Variants in PBX1 observed in about 807,000 individuals in gnomAD.
PBX1 encodes pre-B-cell leukemia transcription factor 1.
Under a neutral mutation model 53.4 loss-of-function variants are expected in PBX1, and 6 were observed. The ratio of observed to expected loss-of-function variants is 0.11; its 90% CI spans 0.06 to 0.22. The LOEUF is 0.22. Ranked by LOEUF, PBX1 falls within the 10% of genes least tolerant of loss-of-function variation. PBX1 has a pLI of 1.00. For synonymous variants in PBX1, 204 were observed against 212.3 expected (o/e 0.96, Z 0.34); for missense variants, 251 against 551.4 (o/e 0.46, Z 5.46).
intron 2 of PBX1, among the ~76,000 whole-genome samples, chr1:164,880,398 G>T (rs1223749517): frequency 2.6e-5 from 4 of 152,200 alleles, no homozygotes; most frequent in African/African-American, 9.7e-5. Flanking sequence ...CAGCATGTCT[G>T]CAAAGGAAGT....
intron 2 of PBX1, among the ~76,000 whole-genome samples, chr1:164,768,453 T>G (rs1193509920): frequency 6.6e-6 from 1 of 152,224 alleles, no homozygotes; most frequent in East Asian, 1.9e-4. Flanking sequence ...GAGACCCTAC[T>G]ATTAACATTC....
intron 2 of PBX1, among the ~76,000 whole-genome samples, chr1:164,690,532 C>T (rs749715592): frequency 1.3e-5 from 2 of 151,228 alleles, no homozygotes; most frequent in Admixed American, 6.6e-5. Context: ...CATGGGAGGC[C>T]GAAGCAGAAG....
chr1:164,789,769 C>T (rs1236124991), intron 2 of PBX1, among the ~76,000 whole-genome samples: 1 of 152,156 alleles, frequency 6.6e-6, no homozygotes, highest in Admixed American at 6.5e-5. Context: ...GCATTAACAC[C>T]CAGCTGAAGG....
chr1:164,800,145 A>C (rs1399058273), intron 4 of PBX1, among the ~76,000 whole-genome samples: 1 of 152,154 alleles, frequency 6.6e-6, no homozygotes, highest in African/African-American at 2.4e-5. Context: ...AGGTACAGTG[A>C]GATTTTTTTC....
chr1:164,609,380 T>C (rs1161465632), intron 2 of PBX1, among the ~76,000 whole-genome samples: 1 of 152,110 alleles, frequency 6.6e-6, no homozygotes, highest in Non-Finnish European at 1.5e-5. Context: ...AGTATTTTCT[T>C]CCTGAAATCC....
At chr1:164,654,628 G>A (rs1185717051) in intron 2 of PBX1, among the ~76,000 whole-genome samples, 1 of 152,216 alleles carries the variant, frequency 6.6e-6, no homozygotes, top group Non-Finnish European at 1.5e-5. Context: ...AAAATGGGAA[G>A]AGAATGGTCT....
chr1:164,666,862 G>A (rs1180525166), intron 2 of PBX1, among the ~76,000 whole-genome samples: 4 of 152,120 alleles, frequency 2.6e-5, no homozygotes, highest in East Asian at 1.9e-4. Flanking sequence ...TTATTAGATC[G>A]TCTCATTGAA....
chr1:164,848,558 G>A lies in PBX1; in HGVS notation c.*1882G>A, dbSNP rs777578170. On this transcript the variant is annotated 3_prime_UTR_variant, in exon 9 of 9. Transcript: ENST00000420696. ...ATATCAGTACCTTGATGTCATCACC[G>A]TGATGACAAAGAGAAGAGTTATTGT... 74 of 1,059,304 alleles carry A rather than the reference G, an allele frequency of 7.0e-5. No individual in the cohort carries two copies. The highest frequency in any genetic ancestry group is 7.4e-5 in the Non-Finnish European group (65 of 875,676). The allele number at this position is 1,059,304 out of a possible 1,614,324, so 65.6% of individuals were successfully genotyped here.
At chr1:164,575,032 C>T (rs1259744416) in intron 2 of PBX1, among the ~76,000 whole-genome samples, 1 of 152,076 alleles carries the variant, frequency 6.6e-6, no homozygotes, top group Non-Finnish European at 1.5e-5. Context: ...CAGTTGGAGG[C>T]CAATCCCAGT....
chr1:164,660,130 A>G (rs1660398238), intron 2 of PBX1, among the ~76,000 whole-genome samples: 1 of 152,204 alleles, frequency 6.6e-6, no homozygotes. Flanking sequence ...GCAATATTCT[A>G]CAGGGTAGAT....
intron 2 of PBX1, among the ~76,000 whole-genome samples, chr1:164,669,915 T>C (rs1183665783): frequency 6.6e-6 from 1 of 152,232 alleles, no homozygotes; most frequent in East Asian, 1.9e-4. Flanking sequence ...TTCTGATTGC[T>C]ATATTGTCTT....
intron 2 of PBX1, among the ~76,000 whole-genome samples, chr1:164,705,869 C>T (rs1663392601): frequency 1.3e-5 from 2 of 152,202 alleles, no homozygotes; most frequent in Admixed American, 1.3e-4. Context: ...AGCACCTGTT[C>T]ACCTTCATGC....
At chr1:164,596,310 T>C (rs903664347) in intron 2 of PBX1, among the ~76,000 whole-genome samples, 5 of 152,202 alleles carry the variant, frequency 3.3e-5, no homozygotes, top group East Asian at 3.9e-4. Flanking sequence ...ATGGTAAATA[T>C]GCACTCTCCT....
At chr1:164,790,687 A>G (rs1036040889) in intron 2 of PBX1, among the ~76,000 whole-genome samples, 5 of 152,190 alleles carry the variant, frequency 3.3e-5, no homozygotes, top group African/African-American at 1.2e-4. Context: ...TGTGAGAGCC[A>G]TACTGTAGTT....
intron 2 of PBX1, chr1:164,605,114 G>C (rs1030808568): frequency 6.6e-6 from 1 of 152,086 alleles, no homozygotes; most frequent in Admixed American, 6.5e-5. Context: ...GATACTGAGA[G>C]AGTATCCTGG....
intron 2 of PBX1, among the ~76,000 whole-genome samples, chr1:164,714,196 T>G (rs554498889): frequency 6.6e-6 from 1 of 152,356 alleles, no homozygotes; most frequent in East Asian, 1.9e-4. Flanking sequence ...CCTGATTAAC[T>G]CAATAAAGAA....
At chr1:164,620,182 A>G (rs1189636748) in intron 2 of PBX1, among the ~76,000 whole-genome samples, 4 of 152,148 alleles carry the variant, frequency 2.6e-5, no homozygotes, top group African/African-American at 7.2e-5. Context: ...CTATCAAAAA[A>G]CCAGCAAAAC....
chr1:164,559,408 A>G lies in PBX1; in HGVS notation c.-415A>G, dbSNP rs1440742620. On this transcript the variant is annotated 5_prime_UTR_variant, in exon 1 of 9. An upstream start codon of the reference 5' UTR is lost. Transcript: ENST00000420696. ...GCCTTCCTCTCCTTTCTCCCGATCAATGCATATTTGCAAAAGGATTAAGCC... is the reference window on the plus strand; with the variant it reads ...GCCTTCCTCTCCTTTCTCCCGATCAGTGCATATTTGCAAAAGGATTAAGCC... The G allele has an allele frequency of 1.7e-5, 4 of 235,808 alleles. No individual in the cohort carries two copies. Among genetic ancestry groups the G allele is most frequent in the Middle Eastern group, 1.2e-3 (1 of 806 alleles). The allele number at this position is 235,808 out of a possible 1,614,324, so 14.6% of individuals were successfully genotyped here.
chr1:164,875,550 C>T (rs766964234), intron 2 of PBX1, among the ~76,000 whole-genome samples: 1 of 152,148 alleles, frequency 6.6e-6, no homozygotes, highest in Non-Finnish European at 1.5e-5. Flanking sequence ...CCCTCTGCCT[C>T]GGCTTCCCAA....
Sources: allele counts gnomAD v4.1 joint callset (sites outside exome capture counted in the v4.1 genomes callset), GRCh38; gene constraint gnomAD v4.1.1; transcripts MANE v1.5; gene names NCBI Gene and HGNC (gene_info 2026-07-23, HGNC 2026-07-21).